Variants in ACTN2 observed in about 807,000 individuals in gnomAD.
ACTN2 encodes the protein alpha-actinin-2.
In ACTN2, 39 loss-of-function variants were observed where a neutral mutation model predicts 113.8. That is an observed-to-expected ratio of 0.34 (90% CI 0.27 to 0.45). The LOEUF (loss-of-function observed/expected upper bound fraction) is 0.45, where lower values mean the gene tolerates loss of function less well. Ranked by LOEUF, ACTN2 falls within the 20% of genes least tolerant of loss-of-function variation. The pLI, the probability that ACTN2 is intolerant of heterozygous loss-of-function variation, is 1.00. For missense variants in ACTN2, 992 were observed against 1,177.9 expected, an observed-to-expected ratio of 0.84 and a Z score of 2.31; for synonymous variants, 429 against 444.1, an observed-to-expected ratio of 0.97 and a Z score of 0.43.
At chr1:236,744,165 TC>T (rs1659155239) in intron 11 of ACTN2, among the ~76,000 whole-genome samples, 1 of 152,148 alleles carries the variant, frequency 6.6e-6, no homozygotes. Flanking sequence ...AAGCACAGGC[TC>T]CATTTAAGCA....
At chr1:236,709,253 T>TACAC (rs376883077) in intron 1 of ACTN2, among the ~76,000 whole-genome samples, 10,404 of 68,874 alleles carry the variant, frequency 0.15, 521 homozygotes, top group Non-Finnish European at 0.24. Context: ...TATATATATA[T>TACAC]ATACACACAC....
intron 9 of ACTN2, 123 bp from the exon 10 acceptor site, chr1:236,739,176 TACC>T: frequency 2.0e-6 from 2 of 986,202 alleles, no homozygotes; most frequent in Non-Finnish European, 3.2e-6. Flanking sequence ...TGCGTAGAGG[TACC>T]ACATCTCAGT....
intron 6 of ACTN2, among the ~76,000 whole-genome samples, chr1:236,730,168 A>G (rs7527224): frequency 2.6e-4 from 39 of 152,352 alleles, no homozygotes; most frequent in African/African-American, 9.1e-4. Context: ...TAGGAAATCA[A>G]TACTTAATTG....
intron 9 of ACTN2, among the ~76,000 whole-genome samples, chr1:236,738,341 T>C (rs1658953858): frequency 6.6e-6 from 1 of 152,254 alleles, no homozygotes; most frequent in Non-Finnish European, 1.5e-5. Flanking sequence ...TTGGTCTTTA[T>C]TGGGAAAAGT....
rs1233991947 is a variant in ACTN2, at chr1:236,725,950, G to T, written c.466G>T (p.Gly156Cys). ...ISVEETSAKE[G>C]LLLWCQRKTA... ...CATTACAGAAACATCTGCCAAAGAAGGTCTGCTGCTTTGGTGTCAGAGGAA... is the reference window on the plus strand; with the variant it reads ...CATTACAGAAACATCTGCCAAAGAATGTCTGCTGCTTTGGTGTCAGAGGAA... Residue 156 changes from glycine (G) to cysteine (C), a missense_variant, in exon 5 of 21, where the codon GGT (glycine) becomes TGT (cysteine). Coordinates refer to ENST00000366578, the MANE Select transcript of ACTN2 (RefSeq NM_001103.4). 6.2e-7 allele frequency: 1 copy of T among 1,614,194 alleles called. No individual in the cohort carries two copies. The highest frequency in any genetic ancestry group is 1.7e-5 in the Admixed American group (1 of 60,022).
chr1:236,696,814 C>T (rs182853517), intron 1 of ACTN2, among the ~76,000 whole-genome samples: 26 of 152,180 alleles, frequency 1.7e-4, no homozygotes, highest in African/African-American at 6.0e-4. Context: ...TACAGGCGTG[C>T]GCCACCACGC....
intron 7 of ACTN2, chr1:236,734,570 AT>A (rs967306763): frequency 2.6e-5 from 35 of 1,349,262 alleles, no homozygotes; most frequent in East Asian, 1.3e-4. Context: ...CTGTGTCTTA[AT>A]TTTTTTTCAA....
chr1:236,698,223 T>TG (rs1311562841), intron 1 of ACTN2, among the ~76,000 whole-genome samples: 611 of 20,034 alleles, frequency 0.03, 3 homozygotes, highest in Admixed American at 0.085. Flanking sequence ...GTAAGATGCC[T>TG]TAAAAAAAAA....
rs779407684 is a variant in ACTN2, at chr1:236,762,548, C to G, written c.2614C>G (p.Pro872Ala). 6.2e-6 allele frequency: 10 copies of G among 1,614,020 alleles called. No individual in the cohort carries two copies. The highest frequency in any genetic ancestry group is 4.5e-5 in the East Asian group (2 of 44,886). Residue 872 changes from proline (P) to alanine (A), a missense_variant, in exon 21 of 21, where the codon CCA becomes GCA. Pro to Ala is a conservative substitution (Grantham distance 27). Coordinates refer to ENST00000366578, the MANE Select transcript of ACTN2 (RefSeq NM_001103.4). ...CAAGAGGATGCCCGCCTACTCGGGC[C>G]CAGGCAGTGTGCCTGGTGCACTGGA... ...CIKRMPAYSGPGSVPGALDYA... is the reference protein window; with the variant it reads ...CIKRMPAYSGAGSVPGALDYA...
At chr1:236,759,488 T>C (rs1205103182) in intron 18 of ACTN2, among the ~76,000 whole-genome samples, 2 of 152,224 alleles carry the variant, frequency 1.3e-5, no homozygotes, top group Non-Finnish European at 2.9e-5. Flanking sequence ...CTTGAGTGTG[T>C]GGTCTCCTTT....
intron 8 of ACTN2, 84 bp downstream of exon 8, chr1:236,735,804 C>T (rs983821541): frequency 4.4e-5 from 51 of 1,149,182 alleles, no homozygotes; most frequent in African/African-American, 2.8e-4. Context: ...TGTGTTTGTG[C>T]GCTTCACATC....
intron 6 of ACTN2, among the ~76,000 whole-genome samples, 166 bp downstream of exon 6, chr1:236,727,922 T>G (rs1269540594): frequency 6.6e-6 from 1 of 152,102 alleles, no homozygotes; most frequent in African/African-American, 2.4e-5. Flanking sequence ...GATCCAAGTA[T>G]GAAGAGTGGC....
At chr1:236,757,694 A>G (rs1659590501) in intron 18 of ACTN2, 62 bp downstream of exon 18, 5 of 1,593,658 alleles carry the variant, frequency 3.1e-6, no homozygotes, top group Non-Finnish European at 4.3e-6. Flanking sequence ...ATCTGAAATA[A>G]TATGCATGCT....
At chr1:236,747,115 T>C (rs1272346650) in intron 12 of ACTN2, among the ~76,000 whole-genome samples, 1 of 152,198 alleles carries the variant, frequency 6.6e-6, no homozygotes, top group Non-Finnish European at 1.5e-5. Context: ...CATTGCCACT[T>C]AGAAATAATG....
In ACTN2 at chr1:236,754,018, T is replaced by A; in HGVS notation, c.1911T>A (p.Arg637=). 1 of 1,614,124 alleles carries A rather than the reference T, an allele frequency of 6.2e-7. No homozygotes were observed. Among genetic ancestry groups the A allele is most frequent in the Non-Finnish European group, 8.5e-7 (1 of 1,180,032 alleles). ...EELARQHANE[R]LRRQFAAQAN... ...TGGCTCGCCAGCATGCTAACGAGCG[T>A]CTGAGGCGCCAGTTTGCTGCCCAAG... is the stretch of plus-strand genomic sequence containing the variant. Residue 637 remains arginine (R), a synonymous_variant, in exon 16 of 21, where the codon CGT becomes CGA. Transcript: ENST00000366578. The surrounding 1 kb of genome is among the most constrained non-coding windows in gnomAD (Gnocchi z 4.9).
chr1:236,762,586 C>T lies in ACTN2; in HGVS notation c.2652C>T (p.Phe884=). The change falls in exon 21 of 21, where the codon TTC becomes TTT. Residue 884 remains phenylalanine, a synonymous_variant. Coordinates refer to ENST00000366578, the MANE Select transcript of ACTN2 (RefSeq NM_001103.4). The stretch of plus-strand genomic sequence containing the variant: ...CTGGTGCACTGGATTACGCTGCGTT[C>T]TCTTCCGCACTCTACGGGGAGAGCG... ...SVPGALDYAA[F]SSALYGESDL The T allele has an allele frequency of 6.2e-7, 1 of 1,614,166 alleles. No individual in the cohort carries two copies. Among genetic ancestry groups the T allele is most frequent in the South Asian group, 1.1e-5 (1 of 91,080 alleles).
intron 1 of ACTN2, among the ~76,000 whole-genome samples, chr1:236,697,760 C>CTTTTT (rs750251378): frequency 8.0e-6 from 1 of 125,032 alleles, no homozygotes. Context: ...GAAACAAGTT[C>CTTTTT]TTTTTTTTTT....
At chr1:236,715,312 C>G (rs1324355920) in intron 1 of ACTN2, among the ~76,000 whole-genome samples, 1 of 108,150 alleles carries the variant, frequency 9.2e-6, no homozygotes, top group African/African-American at 3.4e-5. Context: ...CCCCCCTCCC[C>G]CCACCCTGTT....
rs79737453 is a variant in ACTN2 at position 236,690,022 on chromosome 1, C to T, written c.126+3223C>T. Among the ~76,000 whole-genome samples the T allele has an allele frequency of 4.6e-5, 7 of 152,260 alleles. No homozygotes were observed. In the East Asian group the frequency reaches 9.6e-4, roughly 21 times the overall value. Reference sequence around the variant, plus strand: ...AGGGTCCTTATGTCCATAATCAGTCCGTGGCTTGATGATAGATAAACTTTT... The same window carrying T: ...AGGGTCCTTATGTCCATAATCAGTCTGTGGCTTGATGATAGATAAACTTTT... On this transcript the variant is annotated intron_variant, in intron 1 of 20. Coordinates refer to ENST00000366578, the MANE Select transcript of ACTN2 (RefSeq NM_001103.4).
Sources: gnomAD v4.1 joint callset for allele counts (sites outside exome capture counted in the v4.1 genomes callset) on GRCh38, gnomAD v4.1.1 for gene constraint, Gnocchi (gnomAD v3.1) non-coding constraint, MANE v1.5 for transcripts, NCBI Gene and HGNC (gene_info 2026-07-23, HGNC 2026-07-21) for gene names.